DPP4: variants seen among roughly 807,000 people sequenced by gnomAD.
The protein encoded by DPP4 is ADCP-2.
A neutral mutation model predicts 122.4 loss-of-function variants in DPP4; 93 were observed. The observed-to-expected ratio is 0.76, with a 90% CI of 0.64 to 0.90. The LOEUF is 0.90. Among genes scored for constraint, DPP4 ranks in the 40% least tolerant of loss-of-function variants. The probability of loss-of-function intolerance (pLI) is 0.00; values close to 1 mark genes in which losing one functional copy is unlikely to be tolerated. For synonymous variants in DPP4, 321 were observed against 302.9 expected (o/e 1.06, Z -0.62); for missense variants, 914 against 907.3 (o/e 1.01, Z -0.09).
At chr2:162,060,072 A>C (rs2106151424) in intron 2 of DPP4, among the ~76,000 whole-genome samples, 1 of 152,340 alleles carries the variant, frequency 6.6e-6, no homozygotes, top group South Asian at 2.1e-4. Context: ...CATTTGGACC[A>C]GGCAATATGG....
intron 24 of DPP4, 31 bp from the exon 25 acceptor site, chr2:161,995,065 C>T (rs1394809046): frequency 1.2e-6 from 2 of 1,610,400 alleles, no homozygotes; most frequent in African/African-American, 2.7e-5. Context: ...CATAAAGTAG[C>T]TAATAGCCAC....
intron 1 of DPP4, 83 bp from the exon 2 acceptor site, chr2:162,073,569 C>T: frequency 1.4e-6 from 2 of 1,412,264 alleles, no homozygotes; most frequent in Non-Finnish European, 2.0e-6. Context: ...GCTCCAGAGG[C>T]AGCAGGATTT....
Position 162,045,533 on chromosome 2 carries a change from T to G in DPP4, c.365A>C (p.Lys122Thr), listed in dbSNP as rs372129594. 6.2e-7 allele frequency: 1 copy of G among 1,603,042 alleles called. No individual in the cohort carries two copies. The highest frequency in any genetic ancestry group is 8.5e-7 in the Non-Finnish European group (1 of 1,170,264). Residue 122 changes from lysine (K) to threonine (T), a missense_variant and splice_region_variant, in exon 5 of 26, where the codon AAG becomes ACG. Coordinates refer to ENST00000360534, the MANE Select transcript of DPP4 (RefSeq NM_001935.4). ...ACAGTAAGAAAGCATTTATTTTACC[T>G]TCACGTAGTTGTATTCTAAGAGAAT... ...QFILLEYNYV[K>T]QWRHSYTASY...
intron 2 of DPP4, among the ~76,000 whole-genome samples, chr2:162,065,194 G>A (rs1277562976): frequency 2.6e-5 from 4 of 152,154 alleles, no homozygotes; most frequent in African/African-American, 9.7e-5. Context: ...CACAAATGTC[G>A]CCAGTAAGAT....
intron 19 of DPP4, among the ~76,000 whole-genome samples, chr2:162,013,605 AAC>A (rs1326679111): frequency 6.6e-6 from 1 of 151,988 alleles, no homozygotes; most frequent in Non-Finnish European, 1.5e-5. Flanking sequence ...GGAACAACAG[AAC>A]TTACTATATG....
At chr2:162,026,075 A>G (rs1683321816) in intron 10 of DPP4, among the ~76,000 whole-genome samples, 1 of 152,154 alleles carries the variant, frequency 6.6e-6, no homozygotes, top group Admixed American at 6.5e-5. Context: ...GACCTGTCAT[A>G]TTGTCATACT....
intron 20 of DPP4, among the ~76,000 whole-genome samples, 177 bp downstream of exon 20, chr2:162,011,616 T>A (rs1404097138): frequency 6.6e-6 from 1 of 152,082 alleles, no homozygotes; most frequent in Admixed American, 6.6e-5. Context: ...TATCAATCTA[T>A]AATGTAATAT....
intron 2 of DPP4, among the ~76,000 whole-genome samples, chr2:162,063,481 AG>A (rs1684850642): frequency 6.6e-6 from 1 of 152,132 alleles, no homozygotes; most frequent in Non-Finnish European, 1.5e-5. Context: ...GAGAAGTTGA[AG>A]ACATCAGGAA....
chr2:162,043,279 C>CG (rs1335491648), intron 5 of DPP4, among the ~76,000 whole-genome samples: 1 of 152,124 alleles, frequency 6.6e-6, no homozygotes, highest in Admixed American at 6.5e-5. Context: ...TGTGTTCAGC[C>CG]GGGCAGACTG....
At chr2:162,055,776 T>C (rs1199925470) in intron 2 of DPP4, among the ~76,000 whole-genome samples, 2 of 152,216 alleles carry the variant, frequency 1.3e-5, no homozygotes, top group African/African-American at 4.8e-5. Flanking sequence ...GTGACCAAAC[T>C]TTGGTTAGGG....
At chr2:162,014,337 C>T in intron 19 of DPP4, 59 bp downstream of exon 19, 1 of 1,428,410 alleles carries the variant, frequency 7.0e-7, no homozygotes, top group Non-Finnish European at 9.8e-7. Flanking sequence ...GTAAGCTGCA[C>T]TGAGAAAAAT....
intron 10 of DPP4, among the ~76,000 whole-genome samples, chr2:162,029,555 C>A (rs987599485): frequency 6.6e-6 from 1 of 152,224 alleles, no homozygotes; most frequent in Non-Finnish European, 1.5e-5. Flanking sequence ...TCCTAATGTG[C>A]AGATGTCACT....
chr2:162,026,429 A>G (rs892254105), intron 10 of DPP4, among the ~76,000 whole-genome samples: 3 of 152,114 alleles, frequency 2.0e-5, no homozygotes, highest in Admixed American at 6.5e-5. Context: ...TGAAGAAACT[A>G]TATACTACCT....
intron 2 of DPP4, among the ~76,000 whole-genome samples, chr2:162,055,983 C>T (rs899349936): frequency 3.9e-5 from 6 of 152,224 alleles, no homozygotes; most frequent in African/African-American, 1.2e-4. Flanking sequence ...TCATGCCTGC[C>T]TCAGAGACTT....
At chr2:162,011,453 G>A (rs766092336) in intron 20 of DPP4, among the ~76,000 whole-genome samples, 5 of 152,216 alleles carry the variant, frequency 3.3e-5, no homozygotes, top group Non-Finnish European at 4.4e-5. Context: ...TGTTTAGTCA[G>A]ATGTTTACTA....
In DPP4 at chr2:162,031,486, C is replaced by G. The variant is rs148141914; in HGVS notation, c.887+2055G>C. ...TGGAATCTTTTTCAGAGCAGGTGCT[C>G]ATGGCTCATCCTCCCTACAGGCAGA... On this transcript the variant is annotated intron_variant, in intron 10 of 25. Transcript: ENST00000360534. Among the ~76,000 whole-genome samples, 81 of 152,318 alleles carry G rather than the reference C, an allele frequency of 5.3e-4. 2 individuals carry two copies. In the East Asian group the frequency reaches 0.015, roughly 29 times the overall value.
chr2:162,059,717 T>C (rs1684696009), intron 2 of DPP4, among the ~76,000 whole-genome samples: 1 of 152,174 alleles, frequency 6.6e-6, no homozygotes, highest in South Asian at 2.1e-4. Context: ...TCATCCCCGA[T>C]ATAAGAAAAA....
chr2:162,005,357 C>T (rs78401802), intron 23 of DPP4, among the ~76,000 whole-genome samples: 193 of 152,034 alleles, frequency 1.3e-3, no homozygotes, highest in African/African-American at 4.5e-3. Context: ...ATTATAGTCT[C>T]GTATATATAT....
chr2:162,020,601 A>C lies in DPP4; in HGVS notation c.1156T>G (p.Tyr386Asp). Reference protein sequence around the residue: ...SNEEGYRHICYFQIDKKDCTF... With the variant: ...SNEEGYRHICDFQIDKKDCTF... ...CTCACTTTTTTATCTATTTGGAAAT[A>C]GCAAATGTGTCTGTAACCTTCTTCA... Residue 386 changes from tyrosine to aspartate, a missense_variant, in exon 13 of 26, where the codon TAT becomes GAT. Transcript: ENST00000360534. The C allele has an allele frequency of 6.2e-7, 1 of 1,608,866 alleles. No individual in the cohort carries two copies. Among genetic ancestry groups the C allele is most frequent in the South Asian group, 1.1e-5 (1 of 89,156 alleles).
Sources: gnomAD v4.1 joint callset for allele counts (sites outside exome capture counted in the v4.1 genomes callset) on GRCh38, gnomAD v4.1.1 for gene constraint, MANE v1.5 for transcripts, NCBI Gene and HGNC (gene_info 2026-07-23, HGNC 2026-07-21) for gene names.